CACUL1: variants seen among roughly 807,000 people sequenced by gnomAD.
CACUL1 encodes CDK2 associated cullin domain 1.
A neutral mutation model predicts 45.2 loss-of-function variants in CACUL1; 13 were observed. That is an observed-to-expected ratio of 0.29 (90% CI 0.19 to 0.46). CACUL1 has a LOEUF of 0.46. CACUL1 is among the 20% of genes least tolerant of loss of function. CACUL1 has a pLI of 1.00. For synonymous variants in CACUL1, 197 were observed against 174.2 expected (o/e 1.13, Z -1.03); for missense variants, 421 against 471.4 (o/e 0.89, Z 0.99).
In CACUL1 at chr10:118,676,929, G is replaced by A. The variant is rs774322407; in HGVS notation, c.*9199C>T. 6 of 151,648 alleles carry A rather than the reference G, an allele frequency of 4.0e-5. No individual in the cohort carries two copies. Among genetic ancestry groups the A allele is most frequent in the African/African-American group, 1.5e-4 (6 of 41,286 alleles). The allele number at this position is 151,648 out of a possible 1,614,324, so 9.4% of individuals were successfully genotyped here. On this transcript the variant is annotated 3_prime_UTR_variant, in exon 9 of 9. Transcript: ENST00000369151. ...GGTGAGTGAGTTTAATAGGGTTTTC[G>A]GTTTCATTGCTTGTATTCTTAGAAA... is the stretch of plus-strand genomic sequence containing the variant.
intron 1 of CACUL1, among the ~76,000 whole-genome samples, chr10:118,730,778 T>A (rs1845691136): frequency 6.6e-6 from 1 of 152,156 alleles, no homozygotes; most frequent in South Asian, 2.1e-4. Context: ...AAATGGCCTA[T>A]CAATGAACCA....
At chr10:118,730,230 G>C in intron 2 of CACUL1, 54 bp downstream of exon 2, 1 of 1,575,374 alleles carries the variant, frequency 6.3e-7, no homozygotes, top group East Asian at 2.2e-5. Context: ...TAATTCAAGT[G>C]CCTTGAACCT....
intron 3 of CACUL1, among the ~76,000 whole-genome samples, chr10:118,727,448 T>G (rs995464147): frequency 6.6e-6 from 1 of 151,752 alleles, no homozygotes; most frequent in African/African-American, 2.4e-5. Flanking sequence ...TCACTCTGAT[T>G]TATGTTTTAA....
chr10:118,686,154 A>G lies in CACUL1; in HGVS notation c.1084T>C (p.Cys362Arg). Residue 362 changes from cysteine (C) to arginine (R), a missense_variant, in exon 9 of 9, where the codon TGT becomes CGT. Cys to Arg is a radical substitution (Grantham distance 180). This residue lies in a region of CACUL1 where 208 missense variants were observed against 298.4 expected (regional missense o/e 0.70). Coordinates refer to ENST00000369151, the MANE Select transcript of CACUL1 (RefSeq NM_153810.5). Reference sequence around the variant, plus strand: ...TATCTGTACCCCCTGGAACTTGCACATGCTGACGAGCTATCTGAAAAAACA... The same window carrying G: ...TATCTGTACCCCCTGGAACTTGCACGTGCTGACGAGCTATCTGAAAAAACA... ...DELAYNSSSACASSRGYR is the reference protein window; with the variant it reads ...DELAYNSSSARASSRGYR 1.2e-6 allele frequency: 2 copies of G among 1,613,294 alleles called. No homozygotes were observed. The highest frequency in any genetic ancestry group is 1.7e-6 in the Non-Finnish European group (2 of 1,179,248).
intron 3 of CACUL1, among the ~76,000 whole-genome samples, chr10:118,728,968 CAT>C (rs1419521899): frequency 6.6e-6 from 1 of 152,060 alleles, no homozygotes; most frequent in African/African-American, 2.4e-5. Context: ...AAAATATGCA[CAT>C]ATTTTTGTAT....
chr10:118,717,121 A>T (rs1177356534), intron 3 of CACUL1, among the ~76,000 whole-genome samples: 1 of 152,194 alleles, frequency 6.6e-6, no homozygotes, highest in Non-Finnish European at 1.5e-5. Context: ...AACTTCAGGG[A>T]AGTCTGTAAA....
rs1845180156 is a variant in CACUL1 at position 118,683,855 on chromosome 10, G to C, written c.*2273C>G. On this transcript the variant is annotated 3_prime_UTR_variant, in exon 9 of 9. Transcript: ENST00000369151. ...AGCAAAGTCTATTTCAACTTAAACA[G>C]GTCCTTCAAACTGTGATGTGCCTCA... is the stretch of plus-strand genomic sequence containing the variant. The C allele has an allele frequency of 6.6e-6, 1 of 151,754 alleles. No individual in the cohort carries two copies. The highest frequency in any genetic ancestry group is 2.4e-5 in the African/African-American group (1 of 41,384). The allele number at this position is 151,754 out of a possible 1,614,324, so 9.4% of individuals were successfully genotyped here. A position where few individuals can be genotyped will look rare whatever the true frequency, so the allele number is the denominator to read the frequency against.
intron 3 of CACUL1, among the ~76,000 whole-genome samples, chr10:118,717,418 A>G (rs747645975): frequency 6.6e-6 from 1 of 152,228 alleles, no homozygotes; most frequent in Non-Finnish European, 1.5e-5. Flanking sequence ...AGTTATCAAA[A>G]TATAACTCAA....
intron 5 of CACUL1, 60 bp downstream of exon 5, chr10:118,701,246 A>C: frequency 9.9e-7 from 1 of 1,011,298 alleles, no homozygotes. Context: ...GACCAAAAAA[A>C]AAAGAAAAAG....
At chr10:118,720,266 G>A (rs1457125155) in intron 3 of CACUL1, among the ~76,000 whole-genome samples, 1 of 152,128 alleles carries the variant, frequency 6.6e-6, no homozygotes, top group East Asian at 1.9e-4. Context: ...TAAAGTAACT[G>A]GCTAGGTGCT....
chr10:118,687,520 A>C (rs1845219902), intron 7 of CACUL1, among the ~76,000 whole-genome samples: 1 of 151,986 alleles, frequency 6.6e-6, no homozygotes, highest in Non-Finnish European at 1.5e-5. Context: ...CTATGATCCC[A>C]AGCCAAGCCA....
rs1030211001 is a variant in CACUL1, at chr10:118,754,504, C to A, written c.259G>T (p.Val87Leu). The change falls in exon 1 of 9, where the codon GTG becomes TTG. Residue 87 changes from valine (V) to leucine (L), a missense_variant. By Grantham distance (32) the Val-to-Leu change is conservative (BLOSUM62 1). This residue lies in a region of CACUL1 where 213 missense variants were observed against 173.1 expected (regional missense o/e 1.23). Transcript: ENST00000369151. ...GPQPPPEANG[V>L]IMMLKSCDAA... Reference sequence around the variant, plus strand: ...TCGCAGCTCTTCAACATCATGATCACCCCATTAGCCTCCGGCGGTGGCTGC... The same window carrying A: ...TCGCAGCTCTTCAACATCATGATCAACCCATTAGCCTCCGGCGGTGGCTGC... 6.2e-7 allele frequency: 1 copy of A among 1,613,398 alleles called. No individual in the cohort carries two copies. Among genetic ancestry groups the A allele is most frequent in the Middle Eastern group, 1.7e-4 (1 of 6,060 alleles).
chr10:118,739,439 C>CT, intron 1 of CACUL1, among the ~76,000 whole-genome samples: 1 of 152,054 alleles, frequency 6.6e-6, no homozygotes, highest in East Asian at 1.9e-4. Context: ...CGAATGGCAC[C>CT]TGACTTCTCC....
intron 1 of CACUL1, among the ~76,000 whole-genome samples, chr10:118,748,099 G>C (rs892988736): frequency 6.6e-6 from 1 of 152,138 alleles, no homozygotes; most frequent in Non-Finnish European, 1.5e-5. Context: ...AAAAAAGAGA[G>C]AGACAGAGAA....
intron 4 of CACUL1, among the ~76,000 whole-genome samples, chr10:118,703,176 A>G (rs964365306): frequency 1.3e-5 from 2 of 152,218 alleles, no homozygotes; most frequent in African/African-American, 4.8e-5. Context: ...AGCATGCAAA[A>G]GAGTATGCAA....
Position 118,753,183 on chromosome 10 carries a change from C to G in CACUL1, c.367+1213G>C, listed in dbSNP as rs576595970. ...CACAACACAGCCTTCAACACACAAACTATACAATATAAACATGATTATCAT... is the reference window on the plus strand; with the variant it reads ...CACAACACAGCCTTCAACACACAAAGTATACAATATAAACATGATTATCAT... On this transcript the variant is annotated intron_variant, in intron 1 of 8. Transcript: ENST00000369151. Among the ~76,000 whole-genome samples the G allele has an allele frequency of 7.2e-5, 11 of 152,306 alleles. No homozygotes were observed. In the East Asian group the frequency reaches 1.9e-3, roughly 27 times the overall value.
chr10:118,739,093 G>A (rs1440925357), intron 1 of CACUL1, among the ~76,000 whole-genome samples: 1 of 151,762 alleles, frequency 6.6e-6, no homozygotes, highest in African/African-American at 2.4e-5. Flanking sequence ...CTACTCGGGA[G>A]GCTGAGGCAA....
rs1845133790 is a variant in CACUL1, at chr10:118,679,666, G to A, written c.*6462C>T. Reference sequence around the variant, plus strand: ...CCCGAGTAGCTGGGATTACAGTCGTGTACCCCCACGCCCAGCTAATTTTTG... The same window carrying A: ...CCCGAGTAGCTGGGATTACAGTCGTATACCCCCACGCCCAGCTAATTTTTG... On this transcript the variant is annotated 3_prime_UTR_variant, in exon 9 of 9. Transcript: ENST00000369151. 6.6e-6 allele frequency: 1 copy of A among 151,304 alleles called. No individual in the cohort carries two copies. The highest frequency in any genetic ancestry group is 1.5e-5 in the Non-Finnish European group (1 of 67,996). The allele number at this position is 151,304 out of a possible 1,614,324, so 9.4% of individuals were successfully genotyped here.
At chr10:118,736,960 ATAGCTT>A (rs1002437208) in intron 1 of CACUL1, among the ~76,000 whole-genome samples, 4 of 152,184 alleles carry the variant, frequency 2.6e-5, no homozygotes, top group African/African-American at 9.7e-5. Context: ...TATATCTTAT[ATAGCTT>A]AAGTGTGTAG....
Sources: allele counts gnomAD v4.1 joint callset (sites outside exome capture counted in the v4.1 genomes callset), GRCh38; gene constraint gnomAD v4.1.1; regional missense constraint gnomAD v4.1.1; transcripts MANE v1.5; gene names NCBI Gene and HGNC (gene_info 2026-07-23, HGNC 2026-07-21).